The following MPHOSPH8 variants were observed in gnomAD, a reference collection of about 807,000 sequenced individuals.
The protein encoded by MPHOSPH8 is M-phase phosphoprotein 8, also known as M-phase phosphoprotein, mpp.
Under a neutral mutation model 87.3 loss-of-function variants are expected in MPHOSPH8, and 45 were observed. The ratio of observed to expected loss-of-function variants is 0.52; its 90% CI spans 0.41 to 0.66. The LOEUF (loss-of-function observed/expected upper bound fraction) is 0.66. Ranked by LOEUF, MPHOSPH8 falls within the 30% of genes least tolerant of loss-of-function variation. MPHOSPH8 has a pLI of 0.00. For missense variants in MPHOSPH8, 883 were observed against 1,020.2 expected (o/e 0.87, Z 1.83); for synonymous variants, 366 against 376.9 (o/e 0.97, Z 0.33).
chr13:19,634,724 GC>G (rs1873901622), intron 1 of MPHOSPH8, among the ~76,000 whole-genome samples: 1 of 152,126 alleles, frequency 6.6e-6, no homozygotes, highest in Non-Finnish European at 1.5e-5. Context: ...AGGCATTTAA[GC>G]CATTATCGTT....
Position 19,647,608 on chromosome 13 carries a change from T to A in MPHOSPH8, c.1218+317T>A, listed in dbSNP as rs1173766845. ...CAGCTTATTTTATTAACTTTTCACA[T>A]CCTGCTTGGTCATTTCCCCTGTTGT... On this transcript the variant is annotated intron_variant, in intron 3 of 13. Transcript: ENST00000361479. Among the ~76,000 whole-genome samples the A allele has an allele frequency of 2.0e-5, 3 of 152,338 alleles. No homozygotes were observed. The South Asian group carries it at 6.2e-4, about 32-fold the overall frequency.
At chr13:19,668,867 GAAA>G (rs914796373) in intron 11 of MPHOSPH8, among the ~76,000 whole-genome samples, 2 of 151,908 alleles carry the variant, frequency 1.3e-5, no homozygotes, top group Non-Finnish European at 2.9e-5. Flanking sequence ...CTTTGAAAAA[GAAA>G]AAAATAGTCT....
At chr13:19,634,091 A>G in intron 1 of MPHOSPH8, 130 bp downstream of exon 1, 1 of 960,992 alleles carries the variant, frequency 1.0e-6, no homozygotes, top group Non-Finnish European at 1.6e-6. Flanking sequence ...CAATGCAAGC[A>G]CGCGAAATCG....
chr13:19,673,087 G>GT lies in MPHOSPH8; in HGVS notation c.*1212_*1213insT. 1 of 52,654 alleles carries GT rather than the reference G, an allele frequency of 1.9e-5. No homozygotes were observed. The highest frequency in any genetic ancestry group is 1.5e-3 in the Middle Eastern group (1 of 686). The allele number at this position is 52,654 out of a possible 1,614,324, so 3.3% of individuals were successfully genotyped here. A position where few individuals can be genotyped will look rare whatever the true frequency, so the allele number is the denominator to read the frequency against. On this transcript the variant is annotated 3_prime_UTR_variant, in exon 14 of 14. Transcript: ENST00000361479. ...AAAAAAAGTTTCTTGGAACCTATAC[G>GT]GTTTTTTTTTGTTTTTTTTTTTTGA... is the stretch of plus-strand genomic sequence containing the variant.
intron 2 of MPHOSPH8, among the ~76,000 whole-genome samples, chr13:19,645,467 G>A (rs1874516987): frequency 6.6e-6 from 1 of 152,130 alleles, no homozygotes; most frequent in South Asian, 2.1e-4. Flanking sequence ...GCAGTGCAGG[G>A]AAGACATTTT....
At chr13:19,646,091 A>C (rs1386137655) in intron 2 of MPHOSPH8, among the ~76,000 whole-genome samples, 1 of 152,128 alleles carries the variant, frequency 6.6e-6, no homozygotes, top group Non-Finnish European at 1.5e-5. Context: ...GTTGGCAGCC[A>C]AGAAAGTCTG....
chr13:19,641,963 C>A, intron 1 of MPHOSPH8, 152 bp from the exon 2 acceptor site: 1 of 588,952 alleles, frequency 1.7e-6, no homozygotes, highest in Non-Finnish European at 2.7e-6. Context: ...CCACTTTTCT[C>A]AGGAGATGTG....
intron 5 of MPHOSPH8, among the ~76,000 whole-genome samples, chr13:19,653,727 A>T (rs549419189): frequency 6.6e-6 from 1 of 152,358 alleles, no homozygotes; most frequent in South Asian, 2.1e-4. Flanking sequence ...GACCTGATGG[A>T]GCTGAAAACA....
At chr13:19,645,063 G>T (rs1874495651) in intron 2 of MPHOSPH8, among the ~76,000 whole-genome samples, 1 of 152,116 alleles carries the variant, frequency 6.6e-6, no homozygotes, top group Admixed American at 6.5e-5. Flanking sequence ...TGTGGGGCTT[G>T]GTCCTGGAAG....
At chr13:19,667,337 A>C (rs1200100460) in intron 10 of MPHOSPH8, among the ~76,000 whole-genome samples, 1 of 152,208 alleles carries the variant, frequency 6.6e-6, no homozygotes, top group African/African-American at 2.4e-5. Flanking sequence ...ACAGTGGGAC[A>C]TACAGCTGGG....
chr13:19,662,216 G>A (rs1158929473), intron 8 of MPHOSPH8, among the ~76,000 whole-genome samples: 1 of 152,168 alleles, frequency 6.6e-6, no homozygotes, highest in Non-Finnish European at 1.5e-5. Context: ...TGGTATTACA[G>A]GCGTGAGCCA....
chr13:19,655,494 C>T (rs1875110024), intron 5 of MPHOSPH8, among the ~76,000 whole-genome samples: 1 of 151,506 alleles, frequency 6.6e-6, no homozygotes, highest in Non-Finnish European at 1.5e-5. Context: ...CCACCACCAC[C>T]ACCAAAAAAC....
rs1170513498 is a variant in MPHOSPH8 at position 19,673,134 on chromosome 13, G to A, written c.*1259G>A. 1 of 442,654 alleles carries A rather than the reference G, an allele frequency of 2.3e-6. No homozygotes were observed. Among genetic ancestry groups the A allele is most frequent in the Non-Finnish European group, 4.5e-6 (1 of 223,226 alleles). 27.4% of individuals were successfully genotyped at this position (442,654 alleles called of 1,614,324 possible). ...TTGAAAAGCCAGACCTTGTGCCCTT[G>A]TTTTGAACACCGACTGGGAAGATGG... On this transcript the variant is annotated 3_prime_UTR_variant, in exon 14 of 14. Transcript: ENST00000361479.
intron 2 of MPHOSPH8, among the ~76,000 whole-genome samples, chr13:19,643,430 A>G (rs971555207): frequency 1.3e-5 from 2 of 151,822 alleles, no homozygotes; most frequent in African/African-American, 2.4e-5. Flanking sequence ...TCTTTTTTCC[A>G]GAGACAGGGT....
rs918214114 is a variant in MPHOSPH8 at position 19,660,933 on chromosome 13, C to G, written c.1792-765C>G. On this transcript the variant is annotated intron_variant, in intron 7 of 13. Transcript: ENST00000361479. Reference sequence around the variant, plus strand: ...TGTATGGTGCAAACTTTTCATGTGCCTTTAGGATTTAATACACAAAACAAA... The same window carrying G: ...TGTATGGTGCAAACTTTTCATGTGCGTTTAGGATTTAATACACAAAACAAA... 5 of 985,126 alleles carry G rather than the reference C, an allele frequency of 5.1e-6. No individual in the cohort carries two copies. In the African/African-American group the frequency reaches 7.0e-5, roughly 14 times the overall value. 61.0% of individuals were successfully genotyped at this position (985,126 alleles called of 1,614,324 possible).
At chr13:19,662,558 T>C (rs1250118308) in intron 8 of MPHOSPH8, among the ~76,000 whole-genome samples, 1 of 152,242 alleles carries the variant, frequency 6.6e-6, no homozygotes, top group Non-Finnish European at 1.5e-5. Flanking sequence ...TTTTTAATTT[T>C]GTTTCAGTTG....
chr13:19,660,402 TG>T (rs1875462331), intron 7 of MPHOSPH8, among the ~76,000 whole-genome samples: 1 of 152,216 alleles, frequency 6.6e-6, no homozygotes, highest in Admixed American at 6.6e-5. Context: ...TTATGGCTTT[TG>T]GGTATCTTGT....
Position 19,670,361 on chromosome 13 carries a change from C to T in MPHOSPH8, c.2455C>T (p.Leu819=), listed in dbSNP as rs559403267. ...TGATAAATTTCAGCTTCCTGTTTTT[C>T]TGGTAAGATACTCTGTATTTCACTA... is the stretch of plus-strand genomic sequence containing the variant. ...LNDKFQLPVF[L]DSHFVYSFSP... Residue 819 remains leucine, a splice_region_variant and synonymous_variant, in exon 12 of 14, where the codon CTG becomes TTG. Coordinates refer to ENST00000361479, the MANE Select transcript of MPHOSPH8 (RefSeq NM_017520.4). 2 of 1,613,792 alleles carry T rather than the reference C, an allele frequency of 1.2e-6. No individual in the cohort carries two copies. The highest frequency in any genetic ancestry group is 2.7e-5 in the African/African-American group (2 of 75,030).
Position 19,641,166 on chromosome 13 carries a change from G to A in MPHOSPH8, c.214-949G>A, listed in dbSNP as rs566107554. On this transcript the variant is annotated intron_variant, in intron 1 of 13. Coordinates refer to ENST00000361479, the MANE Select transcript of MPHOSPH8 (RefSeq NM_017520.4). ...TTTTTTCTTTTCATTTCTCTCTTTT[G>A]TTTTCCACACCAGGGTCTGGCTCTG... Among the ~76,000 whole-genome samples, 8 of 151,972 alleles carry A rather than the reference G, an allele frequency of 5.3e-5. 1 individual carries two copies. The South Asian group carries it at 1.5e-3, about 28-fold the overall frequency.
Sources: allele counts gnomAD v4.1 joint callset (sites outside exome capture counted in the v4.1 genomes callset), GRCh38; gene constraint gnomAD v4.1.1; transcripts MANE v1.5; gene names NCBI Gene and HGNC (gene_info 2026-07-23, HGNC 2026-07-21).